The following DPH6 variants were observed in gnomAD, a reference collection of about 807,000 sequenced individuals.
The protein encoded by DPH6 is diphthine--ammonia ligase.
Under a neutral mutation model 38.2 loss-of-function variants are expected in DPH6, and 33 were observed. The ratio of observed to expected loss-of-function variants is 0.86; its 90% CI spans 0.65 to 1.15. DPH6 has a LOEUF of 1.15. Ranked by LOEUF, DPH6 falls within the 50% of genes most tolerant of loss-of-function variation. The probability of loss-of-function intolerance (pLI) is 0.00; values close to 1 mark genes in which losing one functional copy is unlikely to be tolerated. For missense variants in DPH6, 325 were observed against 320.0 expected (o/e 1.02, Z -0.12); for synonymous variants, 108 against 103.0 (o/e 1.05, Z -0.30).
the DPH6 span, among the ~76,000 whole-genome samples, chr15:35,202,903 T>C: frequency 1.0e-3 from 156 of 151,780 alleles, 2 homozygotes; most frequent in Middle Eastern, 0.024. Flanking sequence ...ACAGAGTCAA[T>C]GTCCTGAAAA....
At chr15:35,285,422 G>C (rs2051934391) in intron 3 of DPH6, among the ~76,000 whole-genome samples, 1 of 152,060 alleles carries the variant, frequency 6.6e-6, no homozygotes, top group Non-Finnish European at 1.5e-5. Context: ...GAGATCTGAT[G>C]GTTTTATAAA....
At chr15:35,166,820 G>T in the DPH6 span, among the ~76,000 whole-genome samples, 1 of 151,974 alleles carries the variant, frequency 6.6e-6, no homozygotes, top group Non-Finnish European at 1.5e-5. Flanking sequence ...ACTGAGATGA[G>T]GCATTGGTCA....
chr15:35,409,031 C>T (rs887244714), intron 6 of DPH6, among the ~76,000 whole-genome samples: 51 of 151,796 alleles, frequency 3.4e-4, no homozygotes, highest in African/African-American at 1.2e-3. Context: ...TAAAGACAGT[C>T]GAGGGGGTGG....
the DPH6 span, among the ~76,000 whole-genome samples, chr15:35,148,318 C>CT: frequency 6.6e-6 from 1 of 152,126 alleles, no homozygotes; most frequent in Non-Finnish European, 1.5e-5. Flanking sequence ...ATAGTTTATT[C>CT]TATAAATTCC....
intron 3 of DPH6, among the ~76,000 whole-genome samples, chr15:35,469,587 C>T (rs1222355106): frequency 6.6e-6 from 1 of 152,234 alleles, no homozygotes; most frequent in East Asian, 1.9e-4. Flanking sequence ...AAGTGTTTGG[C>T]TTGGTCACTT....
intron 3 of DPH6, among the ~76,000 whole-genome samples, chr15:35,462,491 C>T (rs1387260893): frequency 1.3e-5 from 2 of 152,198 alleles, no homozygotes; most frequent in African/African-American, 4.8e-5. Context: ...CCTTACTGCT[C>T]CTCAAACACC....
At chr15:35,414,808 T>C (rs1024055840) in intron 5 of DPH6, among the ~76,000 whole-genome samples, 7 of 151,990 alleles carry the variant, frequency 4.6e-5, no homozygotes, top group East Asian at 1.9e-4. Flanking sequence ...TTTTTTTTCA[T>C]GACTATGTTT....
intron 5 of DPH6, among the ~76,000 whole-genome samples, chr15:35,429,180 T>G (rs1319412493): frequency 6.6e-6 from 1 of 152,122 alleles, no homozygotes; most frequent in Non-Finnish European, 1.5e-5. Context: ...ACCCCTTAGA[T>G]CTCCTTAGCT....
chr15:35,363,278 C>G (rs138462139), intron 3 of DPH6, among the ~76,000 whole-genome samples: 28 of 152,110 alleles, frequency 1.8e-4, no homozygotes, highest in Middle Eastern at 3.4e-3. Context: ...AAGGAAATCC[C>G]CTACTGTCAA....
chr15:35,236,710 A>G (rs183410947), intron 3 of DPH6, among the ~76,000 whole-genome samples: 25 of 152,204 alleles, frequency 1.6e-4, no homozygotes, highest in African/African-American at 4.6e-4. Flanking sequence ...ATTTATATGT[A>G]TCCTAATGGT....
chr15:35,219,768 G>C (rs2051430733), exon 4 of DPH6: 1 of 152,134 alleles, frequency 6.6e-6, no homozygotes, highest in African/African-American at 2.4e-5. Context: ...CATCAATATT[G>C]TTTAAAAAAA....
chr15:35,366,003 G>T (rs937964619), downstream of DPH6: 5 of 985,090 alleles, frequency 5.1e-6, no homozygotes, highest in Admixed American at 3.1e-4. Context: ...AGACAGGGTA[G>T]GAAAGTTGTG....
At chr15:35,165,988 C>A in the DPH6 span, among the ~76,000 whole-genome samples, 1 of 151,910 alleles carries the variant, frequency 6.6e-6, no homozygotes, top group Non-Finnish European at 1.5e-5. Flanking sequence ...GATTAAACTG[C>A]CTAACACACA....
At chr15:35,292,055 A>C (rs1345203704) in intron 3 of DPH6, among the ~76,000 whole-genome samples, 1 of 152,124 alleles carries the variant, frequency 6.6e-6, no homozygotes, top group East Asian at 1.9e-4. Context: ...TTCTCAGGAG[A>C]GCTTTCAAAA....
At chr15:35,530,856 T>A (rs2055076819) in intron 3 of DPH6, among the ~76,000 whole-genome samples, 1 of 152,220 alleles carries the variant, frequency 6.6e-6, no homozygotes, top group Admixed American at 6.5e-5. Flanking sequence ...AAGCTGCACC[T>A]GGGAGTGAAA....
rs149827962 is a variant in DPH6 at position 35,443,279 on chromosome 15, C to T, written c.505+7406G>A. On this transcript the variant is annotated intron_variant, in intron 5 of 8. Transcript: ENST00000256538. ...TATAATATCTATATCTATTGGTATG[C>T]TGAGTCCCAACAAGAGTTCTCTGGA... Among the ~76,000 whole-genome samples, 642 of 152,184 alleles carry T rather than the reference C, an allele frequency of 4.2e-3. 11 individuals carry two copies. The highest frequency in any genetic ancestry group is 0.014 in the African/African-American group (601 of 41,534).
At chr15:35,263,594 G>C (rs1468376393) in intron 3 of DPH6, among the ~76,000 whole-genome samples, 2 of 151,568 alleles carry the variant, frequency 1.3e-5, no homozygotes, top group Non-Finnish European at 2.9e-5. Context: ...TTTTTGTAGA[G>C]ACAGTCTCAC....
intron 3 of DPH6, among the ~76,000 whole-genome samples, chr15:35,473,569 G>T (rs1204150368): frequency 6.6e-6 from 1 of 151,984 alleles, no homozygotes; most frequent in Non-Finnish European, 1.5e-5. Flanking sequence ...GAGTAGAAAG[G>T]TATATATATT....
In DPH6 at chr15:35,254,700, C is replaced by A. The variant is rs192991685; in HGVS notation, n.201-34118G>T. On this transcript the variant is annotated intron_variant and non_coding_transcript_variant, in intron 3 of 3. Transcript: ENST00000560386. ...GCGTCCGTGTGAAGAGACCACCAAA[C>A]AGGCTTCGTGTGAGCAATAAAGCTG... 8.9e-4 allele frequency among the ~76,000 whole-genome samples: 136 copies of A among 152,272 alleles called. No individual in the cohort carries two copies. In the Middle Eastern group the frequency reaches 0.01, roughly 11 times the overall value.
Sources: allele counts gnomAD v4.1 joint callset (sites outside exome capture counted in the v4.1 genomes callset), GRCh38; gene constraint gnomAD v4.1.1; transcripts MANE v1.5; gene names NCBI Gene and HGNC (gene_info 2026-07-23, HGNC 2026-07-21).